The following MXI1 variants were observed in gnomAD, a reference collection of about 807,000 sequenced individuals.
MXI1 encodes the protein max-interacting protein 1.
In MXI1, 18 loss-of-function variants were observed where a neutral mutation model predicts 36.9. That is an observed-to-expected ratio of 0.49 (90% CI 0.34 to 0.72). The LOEUF (loss-of-function observed/expected upper bound fraction) is 0.72, where lower values mean the gene tolerates loss of function less well. Ranked by LOEUF, MXI1 falls within the 30% of genes least tolerant of loss-of-function variation. The pLI, the probability that MXI1 is intolerant of heterozygous loss-of-function variation, is 0.01. For missense variants in MXI1, 304 were observed against 379.1 expected, an observed-to-expected ratio of 0.80 and a Z score of 1.64; for synonymous variants, 160 against 146.7, an observed-to-expected ratio of 1.09 and a Z score of -0.65.
intron 1 of MXI1, among the ~76,000 whole-genome samples, chr10:110,218,796 G>A (rs1461124719): frequency 6.6e-6 from 1 of 152,210 alleles, no homozygotes; most frequent in African/African-American, 2.4e-5. Context: ...AGGCGCCCGA[G>A]CTTGTAGGGC....
At chr10:110,280,945 A>G (rs993982590) in intron 5 of MXI1, among the ~76,000 whole-genome samples, 1 of 152,214 alleles carries the variant, frequency 6.6e-6, no homozygotes, top group East Asian at 1.9e-4. Context: ...TTCATATCAC[A>G]TTAAAAGATC....
intron 3 of MXI1, 100 bp from the exon 4 acceptor site, chr10:110,279,080 G>GCTGAATTT: frequency 2.3e-6 from 2 of 882,140 alleles, no homozygotes; most frequent in East Asian, 5.2e-5. Flanking sequence ...CTATCCTATA[G>GCTGAATTT]GCTGAATAAA....
At chr10:110,284,793 A>G (rs763899925) in intron 5 of MXI1, 31 bp from the exon 6 acceptor site, 10 of 1,017,880 alleles carry the variant, frequency 9.8e-6, no homozygotes, top group African/African-American at 2.1e-5. Flanking sequence ...TCGATAATTA[A>G]TGTTCTTCTT....
At chr10:110,211,668 T>C (rs999237097) in intron 1 of MXI1, among the ~76,000 whole-genome samples, 8 of 152,232 alleles carry the variant, frequency 5.3e-5, no homozygotes, top group Admixed American at 3.9e-4. Flanking sequence ...GCCACATGGC[T>C]GAATTACTTC....
At chr10:110,228,586 C>CAT in intron 2 of MXI1, among the ~76,000 whole-genome samples, 1 of 152,112 alleles carries the variant, frequency 6.6e-6, no homozygotes, top group Non-Finnish European at 1.5e-5. Context: ...AGCATGTGTC[C>CAT]ATGCATGCAG....
intron 2 of MXI1, among the ~76,000 whole-genome samples, chr10:110,239,698 A>G (rs1481368549): frequency 6.6e-6 from 1 of 152,188 alleles, no homozygotes; most frequent in African/African-American, 2.4e-5. Flanking sequence ...TCAAGGACTT[A>G]CATTAGGGTG....
At position 110,228,233 on chromosome 10, in the gene MXI1, C is replaced by T. The variant is rs768326071; in HGVS notation, c.319C>T (p.Pro107Ser). The part of the protein sequence containing the change: ...YASSFPSMPS[P>S]RLQHSKPPRR... ...CTCTTCATTCCCGTCCATGCCGAGC[C>T]CCCGACTGCAGCATTCAAAGCCCCC... The change falls in exon 2 of 6, where the codon CCC becomes TCC. Residue 107 changes from proline to serine, a missense_variant. By Grantham distance (74) the Pro-to-Ser change is moderately conservative (BLOSUM62 -1). Around this residue, in one of 2 missense-constraint regions of MXI1, gnomAD observed 179 missense variants for 184.8 expected, o/e 0.97. Transcript: ENST00000332674. The T allele has an allele frequency of 6.2e-7, 1 of 1,614,076 alleles. No homozygotes were observed. Among genetic ancestry groups the T allele is most frequent in the Non-Finnish European group, 8.5e-7 (1 of 1,180,000 alleles).
At chr10:110,219,300 A>AAAAAAC (rs567743479) in intron 1 of MXI1, among the ~76,000 whole-genome samples, 2 of 152,356 alleles carry the variant, frequency 1.3e-5, no homozygotes, top group Admixed American at 1.3e-4. Flanking sequence ...ACTCCGTGTC[A>AAAAAAC]AAAAACAAAA....
rs1001233886 is a variant in MXI1, at chr10:110,269,861, C to T, written c.438-9319C>T. Reference sequence around the variant, plus strand: ...AGAGAATGCTTTTTCTTTTGGACAGCAACACTTCTCAGCCCCTTGGTACCA... The same window carrying T: ...AGAGAATGCTTTTTCTTTTGGACAGTAACACTTCTCAGCCCCTTGGTACCA... On this transcript the variant is annotated intron_variant, in intron 3 of 5. Transcript: ENST00000332674. Among the ~76,000 whole-genome samples the T allele has an allele frequency of 4.6e-5, 7 of 152,186 alleles. No homozygotes were observed. The East Asian group carries it at 1.3e-3, about 29-fold the overall frequency.
intron 5 of MXI1, among the ~76,000 whole-genome samples, chr10:110,283,286 G>A (rs1180748535): frequency 6.8e-6 from 1 of 147,094 alleles, no homozygotes; most frequent in Non-Finnish European, 1.5e-5. Context: ...TTTTGAGAGA[G>A]AGTGTCTCGC....
intron 1 of MXI1, among the ~76,000 whole-genome samples, chr10:110,227,001 G>C (rs1195442301): frequency 5.7e-5 from 1 of 17,600 alleles, no homozygotes; most frequent in Non-Finnish European, 1.2e-4. Context: ...GCGCGCGTGT[G>C]TGTGAGGGGA....
intron 1 of MXI1, among the ~76,000 whole-genome samples, chr10:110,222,595 T>G (rs1181096648): frequency 6.6e-6 from 1 of 152,178 alleles, no homozygotes; most frequent in Admixed American, 6.5e-5. Context: ...CTGGGGGACT[T>G]TCTCCATTTT....
Position 110,207,842 on chromosome 10 carries a change from C to T in MXI1, c.34C>T (p.Arg12Cys). The change falls in exon 1 of 6, where the codon CGC becomes TGC. Residue 12 changes from arginine (R) to cysteine (C), a missense_variant. Arg to Cys is a radical substitution (Grantham distance 180). Transcript: ENST00000332674. ...ACGCGGGCGGCCGCGCAAGGAGGCG[C>T]GCTGCGAGGGCGCGGGGCTGGCCCC... Reference protein sequence around the residue: ...GKRGRPRKEARCEGAGLAPAA... With the variant: ...GKRGRPRKEACCEGAGLAPAA... 1 of 1,137,082 alleles carries T rather than the reference C, an allele frequency of 8.8e-7. No homozygotes were observed. The highest frequency in any genetic ancestry group is 1.1e-6 in the Non-Finnish European group (1 of 928,164). The allele number at this position is 1,137,082 out of a possible 1,614,324, so 70.4% of individuals were successfully genotyped here.
intron 3 of MXI1, among the ~76,000 whole-genome samples, chr10:110,255,953 C>T (rs1856273906): frequency 6.6e-6 from 1 of 152,188 alleles, no homozygotes; most frequent in Non-Finnish European, 1.5e-5. Flanking sequence ...CAGTATGGAA[C>T]TGACCAAAGA....
intron 5 of MXI1, among the ~76,000 whole-genome samples, chr10:110,283,705 C>A (rs1217838763): frequency 6.6e-6 from 1 of 151,746 alleles, no homozygotes; most frequent in African/African-American, 2.4e-5. Context: ...CTTTTTAACT[C>A]CTTTTTGTTT....
intron 3 of MXI1, among the ~76,000 whole-genome samples, chr10:110,274,154 A>C (rs913438158): frequency 6.6e-6 from 1 of 152,196 alleles, no homozygotes; most frequent in Non-Finnish European, 1.5e-5. Context: ...AATCAAAAGG[A>C]GCATTGGTTC....
At chr10:110,247,523 T>C (rs1219941282) in intron 3 of MXI1, among the ~76,000 whole-genome samples, 2 of 152,216 alleles carry the variant, frequency 1.3e-5, no homozygotes, top group African/African-American at 4.8e-5. Context: ...GTTTTAGGTC[T>C]AACATTTAAG....
chr10:110,219,661 G>A (rs1376441394), intron 1 of MXI1, among the ~76,000 whole-genome samples: 2 of 152,132 alleles, frequency 1.3e-5, no homozygotes, highest in African/African-American at 4.8e-5. Context: ...CATTTATCCT[G>A]TATCCTGCTC....
rs542131463 is a variant in MXI1, at chr10:110,224,927, C to T, written c.275-3262C>T. On this transcript the variant is annotated intron_variant, in intron 1 of 5. Coordinates refer to ENST00000332674, the MANE Select transcript of MXI1 (RefSeq NM_130439.3). ...CCTCCCAAAGTGCTGGGATTACAGG[C>T]GTGAGCCACTGTGCCCGGCCAGTGG... Among the ~76,000 whole-genome samples, 28 of 152,262 alleles carry T rather than the reference C, an allele frequency of 1.8e-4. No individual in the cohort carries two copies. The East Asian group carries it at 5.4e-3, about 29-fold the overall frequency.
Sources: allele counts gnomAD v4.1 joint callset (sites outside exome capture counted in the v4.1 genomes callset), GRCh38; gene constraint gnomAD v4.1.1; regional missense constraint gnomAD v4.1.1; transcripts MANE v1.5; gene names NCBI Gene and HGNC (gene_info 2026-07-23, HGNC 2026-07-21).